COL15A1: variants seen among roughly 807,000 people sequenced by gnomAD.
The protein encoded by COL15A1 is collagen type XV alpha 1 chain.
COL15A1 carries 111 observed loss-of-function variants against 165.9 expected under a neutral mutation model. The observed-to-expected ratio is 0.67, with a 90% confidence interval of 0.57 to 0.78. The LOEUF (loss-of-function observed/expected upper bound fraction) is 0.78, where lower values mean the gene tolerates loss of function less well. COL15A1 is among the 30% of genes least tolerant of loss of function. The pLI, the probability that COL15A1 is intolerant of heterozygous loss-of-function variation, is 0.00. For synonymous variants in COL15A1, 659 were observed against 674.8 expected (o/e 0.98, Z 0.36); for missense variants, 1,745 against 1,789.7 (o/e 0.98, Z 0.45).
At chr9:99,063,012 A>G (rs1825840240) in intron 38 of COL15A1, 38 bp from the exon 39 acceptor site, 4 of 1,578,978 alleles carry the variant, frequency 2.5e-6, no homozygotes, top group Non-Finnish European at 2.6e-6. Context: ...GATTGAATGC[A>G]TATTCAGAAC....
intron 2 of COL15A1, among the ~76,000 whole-genome samples, chr9:98,959,455 A>G (rs548824454): frequency 1.3e-4 from 20 of 152,176 alleles, no homozygotes; most frequent in African/African-American, 4.6e-4. Flanking sequence ...TGCAGAGATG[A>G]CAGGAGCTGA....
intron 2 of COL15A1, among the ~76,000 whole-genome samples, chr9:98,968,045 G>A (rs1006251128): frequency 2.0e-5 from 3 of 152,164 alleles, no homozygotes; most frequent in Non-Finnish European, 2.9e-5. Flanking sequence ...ATAAGCAGAC[G>A]GGCTATGGAG....
intron 21 of COL15A1, 126 bp from the exon 22 acceptor site, chr9:99,038,542 T>C: frequency 1.5e-6 from 1 of 648,638 alleles, no homozygotes; most frequent in Non-Finnish European, 2.8e-6. Context: ...GGCAGTGGGC[T>C]GAGGGCGTTC....
intron 2 of COL15A1, among the ~76,000 whole-genome samples, chr9:98,957,346 C>T (rs1207895643): frequency 6.6e-6 from 1 of 152,222 alleles, no homozygotes. Context: ...CCAGAAAGAA[C>T]CATGGTCTGC....
In COL15A1 at chr9:99,056,278, G is replaced by A. The variant is rs753628138; in HGVS notation, c.3211G>A (p.Val1071Ile). ...TTGACAGGGCCAAAAAGGGGAGACA[G>A]TCGTTGGGCCCCAAGGACCCCCAGG... ...PGPAGQKGET[V>I]VGPQGPPGAP... Residue 1071 changes from valine (V) to isoleucine (I), a missense_variant, in exon 35 of 42, where the codon GTC (valine) becomes ATC (isoleucine). Coordinates refer to ENST00000375001, the MANE Select transcript of COL15A1 (RefSeq NM_001855.5). 1 of 1,614,202 alleles carries A rather than the reference G, an allele frequency of 6.2e-7. No homozygotes were observed. The highest frequency in any genetic ancestry group is 1.1e-5 in the South Asian group (1 of 91,090).
chr9:99,067,131 G>A, intron 40 of COL15A1, 64 bp downstream of exon 40: 1 of 1,377,732 alleles, frequency 7.3e-7, no homozygotes, highest in Non-Finnish European at 1.0e-6. Context: ...CCTGGAGGCA[G>A]TTTTCATTCC....
At chr9:99,011,120 T>C (rs1271275634) in intron 9 of COL15A1, among the ~76,000 whole-genome samples, 1 of 152,176 alleles carries the variant, frequency 6.6e-6, no homozygotes, top group Admixed American at 6.5e-5. Flanking sequence ...CAAGATGCAA[T>C]AAAAGTCGAA....
At chr9:98,974,674 C>G (rs1488546003) in intron 2 of COL15A1, among the ~76,000 whole-genome samples, 1 of 152,212 alleles carries the variant, frequency 6.6e-6, no homozygotes, top group Non-Finnish European at 1.5e-5. Flanking sequence ...ACCCTACATA[C>G]CCTCATCCTA....
intron 31 of COL15A1, among the ~76,000 whole-genome samples, chr9:99,053,069 A>G (rs1244416118): frequency 6.6e-6 from 1 of 152,230 alleles, no homozygotes; most frequent in Non-Finnish European, 1.5e-5. Context: ...AGTAAATGTC[A>G]GCATATTCAT....
chr9:99,003,774 T>C (rs1265007580), intron 8 of COL15A1, among the ~76,000 whole-genome samples, 187 bp downstream of exon 8: 1 of 152,212 alleles, frequency 6.6e-6, no homozygotes, highest in Non-Finnish European at 1.5e-5. Flanking sequence ...AGCCCTACAC[T>C]GTGCTGGGCA....
chr9:98,944,627 G>A (rs1472562002), intron 2 of COL15A1, among the ~76,000 whole-genome samples: 1 of 152,262 alleles, frequency 6.6e-6, no homozygotes, highest in Non-Finnish European at 1.5e-5. Context: ...GGTAAGGGCA[G>A]GTCTGGTGCC....
At chr9:99,027,141 G>A (rs140996740) in intron 16 of COL15A1, among the ~76,000 whole-genome samples, 3 of 152,306 alleles carry the variant, frequency 2.0e-5, no homozygotes, top group Non-Finnish European at 2.9e-5. Context: ...GATGAGATAA[G>A]CCATGTCTGT....
chr9:99,050,248 A>G (rs1343721365), intron 30 of COL15A1, among the ~76,000 whole-genome samples: 1 of 152,232 alleles, frequency 6.6e-6, no homozygotes, highest in Admixed American at 6.5e-5. Context: ...ATGCCAACCC[A>G]TGATCTTTGC....
intron 2 of COL15A1, among the ~76,000 whole-genome samples, chr9:98,976,911 G>GACATTGAAGTTGGGC (rs1838150596): frequency 6.6e-6 from 1 of 152,180 alleles, no homozygotes; most frequent in Non-Finnish European, 1.5e-5. Flanking sequence ...AGGAGGTGAT[G>GACATTGAAGTTGGGC]ACATTGAAGT....
chr9:99,054,211 G>A (rs938559249), intron 31 of COL15A1, among the ~76,000 whole-genome samples: 1 of 152,216 alleles, frequency 6.6e-6, no homozygotes, highest in African/African-American at 2.4e-5. Context: ...GAGTCTGGAA[G>A]ATTGACATGG....
At chr9:99,002,532 G>C (rs1233455558) in intron 7 of COL15A1, among the ~76,000 whole-genome samples, 2 of 152,192 alleles carry the variant, frequency 1.3e-5, no homozygotes, top group African/African-American at 4.8e-5. Flanking sequence ...GCAGGAGCTG[G>C]TAGAACGGGT....
At chr9:98,974,767 G>A (rs532608600) in intron 2 of COL15A1, among the ~76,000 whole-genome samples, 4 of 152,294 alleles carry the variant, frequency 2.6e-5, no homozygotes, top group Admixed American at 2.6e-4. Context: ...ACACCCACCC[G>A]CTTGCAGGAG....
At chr9:98,976,941 A>C (rs1838151278) in intron 2 of COL15A1, among the ~76,000 whole-genome samples, 1 of 152,136 alleles carries the variant, frequency 6.6e-6, no homozygotes, top group South Asian at 2.1e-4. Flanking sequence ...AGATGTGTGG[A>C]GCAGTTCCTC....
At chr9:98,993,911 C>T (rs1046925463) in intron 5 of COL15A1, among the ~76,000 whole-genome samples, 1 of 152,200 alleles carries the variant, frequency 6.6e-6, no homozygotes, top group African/African-American at 2.4e-5. Context: ...CATGAGCCGT[C>T]GCCAGTGAAC....
Sources: gnomAD v4.1 joint callset for allele counts (sites outside exome capture counted in the v4.1 genomes callset) on GRCh38, gnomAD v4.1.1 for gene constraint, MANE v1.5 for transcripts, NCBI Gene and HGNC (gene_info 2026-07-23, HGNC 2026-07-21) for gene names.